Variants in HLTF observed in about 807,000 individuals in gnomAD.
The protein encoded by HLTF is DNA-dependent ATPase/E3 ubiquitin-protein ligase HLTF.
In HLTF, 127 loss-of-function variants were observed where a neutral mutation model predicts 129.4. The observed-to-expected ratio is 0.98, with a 90% confidence interval of 0.85 to 1.14. The LOEUF (loss-of-function observed/expected upper bound fraction) is 1.14. Ranked by LOEUF, HLTF falls within the 50% of genes most tolerant of loss-of-function variation. The pLI is 0.00. For missense variants in HLTF, 1,139 were observed against 1,187.1 expected, an observed-to-expected ratio of 0.96 and a Z score of 0.60; for synonymous variants, 332 against 388.8, an observed-to-expected ratio of 0.85 and a Z score of 1.72.
At chr3:149,042,827 T>C (rs577111520) in intron 18 of HLTF, among the ~76,000 whole-genome samples, 19 of 152,238 alleles carry the variant, frequency 1.2e-4, no homozygotes, top group Admixed American at 8.5e-4. Context: ...TAACTCAACA[T>C]GTAACCCTGA....
intron 18 of HLTF, among the ~76,000 whole-genome samples, chr3:149,044,311 ATAAAGT>A (rs1305046937): frequency 6.6e-6 from 1 of 152,202 alleles, no homozygotes; most frequent in Non-Finnish European, 1.5e-5. Flanking sequence ...AACAGTTTCA[ATAAAGT>A]TAATCTTTTT....
chr3:149,075,046 G>A (rs1232195051), intron 3 of HLTF, among the ~76,000 whole-genome samples: 2 of 152,198 alleles, frequency 1.3e-5, no homozygotes, highest in Non-Finnish European at 2.9e-5. Flanking sequence ...ATATGGAAGT[G>A]ACAACTCATC....
At position 149,046,144 on chromosome 3, in the gene HLTF, G is replaced by C; in HGVS notation, c.2008C>G (p.Leu670Val). The C allele has an allele frequency of 6.2e-7, 1 of 1,611,086 alleles. No homozygotes were observed. The highest frequency in any genetic ancestry group is 8.5e-7 in the Non-Finnish European group (1 of 1,178,296). ...ERKVFIQHIT[L>V]SDEERKIYQS... ...TAAATCTTTCTCTCTTCATCTGAAA[G>C]TGTAATGTGCTGAATAAATACTTTA... Residue 670 changes from leucine to valine, a missense_variant, in exon 18 of 25, where the codon CTT (leucine) becomes GTT (valine). Physicochemically the swap from Leu to Val is conservative, Grantham distance 32 (BLOSUM62 1). Transcript: ENST00000310053.
At position 149,041,495 on chromosome 3, in the gene HLTF, C is replaced by T. The variant is rs201520168; in HGVS notation, c.2371G>A (p.Glu791Lys). 5.0e-6 allele frequency: 8 copies of T among 1,611,896 alleles called. No homozygotes were observed. The highest frequency in any genetic ancestry group is 6.8e-6 in the Non-Finnish European group (8 of 1,178,620). ...KPCICQVIQN[E>K]QPHAKCPLCR... ...GTACTGAGCAAAAAACTAACCTGCT[C>T]ATTCTGAATGACTTGGCAAATACAG... Residue 791 changes from glutamate to lysine, a missense_variant, in exon 20 of 25, where the codon GAG becomes AAG. By Grantham distance (56) the Glu-to-Lys change is moderately conservative (BLOSUM62 1). Coordinates refer to ENST00000310053, the MANE Select transcript of HLTF (RefSeq NM_003071.4).
At chr3:149,034,670 G>C (rs1308594562) in intron 24 of HLTF, among the ~76,000 whole-genome samples, 1 of 152,114 alleles carries the variant, frequency 6.6e-6, no homozygotes, top group Non-Finnish European at 1.5e-5. Flanking sequence ...ATATGTTGTA[G>C]AATAAAGTAT....
intron 20 of HLTF, 137 bp from the exon 21 acceptor site, chr3:149,040,293 C>T (rs374957345): frequency 5.5e-6 from 4 of 723,138 alleles, no homozygotes; most frequent in Middle Eastern, 3.9e-4. Context: ...TGGATTTCAT[C>T]CATTTAAGAG....
chr3:149,038,571 T>G (rs940542097), intron 23 of HLTF, among the ~76,000 whole-genome samples: 2 of 152,076 alleles, frequency 1.3e-5, no homozygotes, highest in African/African-American at 4.8e-5. Context: ...GACAGGAGCA[T>G]GGCTCACTGA....
chr3:149,042,306 T>C lies in HLTF; in HGVS notation c.2073-16A>G. 1.3e-6 allele frequency: 2 copies of C among 1,594,674 alleles called. No individual in the cohort carries two copies. The highest frequency in any genetic ancestry group is 1.7e-6 in the Non-Finnish European group (2 of 1,166,202). On this transcript the variant is annotated splice_polypyrimidine_tract_variant and intron_variant, in intron 18 of 24. Transcript: ENST00000310053. Reference sequence around the variant, plus strand: ...ATTAAAATACCTAGAGATTAAAATGTCAAATATTATTAAGTCCGCTAAACA... The same window carrying C: ...ATTAAAATACCTAGAGATTAAAATGCCAAATATTATTAAGTCCGCTAAACA...
At position 149,034,959 on chromosome 3, in the gene HLTF, A is replaced by T; in HGVS notation, c.2836T>A (p.Cys946Ser). The stretch of plus-strand genomic sequence containing the variant: ...TCTTGCTTCTGACCAAGTCTATGGC[A>T]TCTGTCAAAGCACTGATCTTCAGCA... ...PAAEDQCFDRCHRLGQKQEVI... is the reference protein window; with the variant it reads ...PAAEDQCFDRSHRLGQKQEVI... The change falls in exon 24 of 25, where the codon TGC becomes AGC. Residue 946 changes from cysteine (C) to serine (S), a missense_variant. Transcript: ENST00000310053. The T allele has an allele frequency of 1.2e-6, 2 of 1,613,974 alleles. No individual in the cohort carries two copies. The highest frequency in any genetic ancestry group is 8.5e-7 in the Non-Finnish European group (1 of 1,179,816).
intron 13 of HLTF, among the ~76,000 whole-genome samples, chr3:149,056,341 G>C (rs1717428478): frequency 6.6e-6 from 1 of 152,164 alleles, no homozygotes; most frequent in South Asian, 2.1e-4. Flanking sequence ...TGATAATAAA[G>C]TGTTTTTACA....
chr3:149,063,431 C>T lies in HLTF; in HGVS notation c.1160G>A (p.Arg387Lys), dbSNP rs1403454539. The T allele has an allele frequency of 2.6e-6, 4 of 1,552,616 alleles. No individual in the cohort carries two copies. The highest frequency in any genetic ancestry group is 2.2e-5 in the South Asian group (2 of 89,820). Reference protein sequence around the residue: ...MSELSSSRPKRRKTAVQYIES... With the variant: ...MSELSSSRPKKRKTAVQYIES... ...ACATAATCAAACCATAATAGTTTAC[C>T]TTTTGGGGCGGGAGCTAGACAATTC... The change falls in exon 10 of 25, where the codon AGA (arginine) becomes AAA (lysine). Residue 387 changes from arginine to lysine, a missense_variant and splice_region_variant. Arg to Lys is a conservative substitution (Grantham distance 26). Transcript: ENST00000310053.
chr3:149,047,303 T>C (rs1243084833), intron 17 of HLTF, among the ~76,000 whole-genome samples: 2 of 152,316 alleles, frequency 1.3e-5, no homozygotes, highest in East Asian at 1.9e-4. Context: ...AACTTTCCTA[T>C]ACAACTTTTG....
chr3:149,063,552 A>G (rs1559872831), intron 9 of HLTF, 28 bp from the exon 10 acceptor site: 1 of 1,317,566 alleles, frequency 7.6e-7, no homozygotes, highest in South Asian at 1.2e-5. Context: ...GCAAATATAA[A>G]GTATTAGTAA....
At chr3:149,070,071 C>A (rs1286074844) in intron 7 of HLTF, among the ~76,000 whole-genome samples, 3 of 151,872 alleles carry the variant, frequency 2.0e-5, no homozygotes, top group African/African-American at 7.3e-5. Context: ...GAGCAAGATA[C>A]ACAAATAGAT....
intron 2 of HLTF, among the ~76,000 whole-genome samples, chr3:149,084,111 T>C (rs1158327426): frequency 6.6e-6 from 1 of 152,148 alleles, no homozygotes; most frequent in Non-Finnish European, 1.5e-5. Flanking sequence ...GAAACTGTCA[T>C]TCATAAAATG....
intron 7 of HLTF, among the ~76,000 whole-genome samples, chr3:149,070,039 A>G (rs1385413947): frequency 1.3e-5 from 2 of 152,246 alleles, no homozygotes; most frequent in Non-Finnish European, 2.9e-5. Flanking sequence ...AAAATCATAC[A>G]TGGGTAAAAT....
chr3:149,063,406 A>C (rs779465991), intron 10 of HLTF, 25 bp downstream of exon 10: 1 of 1,367,620 alleles, frequency 7.3e-7, no homozygotes, highest in East Asian at 2.3e-5. Context: ...TAAACATATG[A>C]CATAATCAAA....
chr3:149,079,609 T>G (rs1276987027), intron 2 of HLTF, among the ~76,000 whole-genome samples: 1 of 152,066 alleles, frequency 6.6e-6, no homozygotes, highest in East Asian at 1.9e-4. Flanking sequence ...TGTTGTTGTT[T>G]TTTTGAGACA....
rs1418808653 is a variant in HLTF, at chr3:149,074,200, A to G, written c.529+15T>C. On this transcript the variant is annotated intron_variant, in intron 4 of 24. Transcript: ENST00000310053. ...TACAATATCAGAATAATATTAAGTG[A>G]AACCCTAAACTTACTTTTTGGTGCA... 1.9e-6 allele frequency: 3 copies of G among 1,605,314 alleles called. No individual in the cohort carries two copies. Among genetic ancestry groups the G allele is most frequent in the Non-Finnish European group, 2.6e-6 (3 of 1,175,806 alleles).
Sources: allele counts gnomAD v4.1 joint callset (sites outside exome capture counted in the v4.1 genomes callset), GRCh38; gene constraint gnomAD v4.1.1; transcripts MANE v1.5; gene names NCBI Gene and HGNC (gene_info 2026-07-23, HGNC 2026-07-21).